Variants in DGCR8 observed in about 807,000 individuals in gnomAD.
DGCR8 encodes the protein microprocessor complex subunit DGCR8.
In DGCR8, 14 loss-of-function variants were observed where a neutral mutation model predicts 78.5. The ratio of observed to expected loss-of-function variants is 0.18; its 90% confidence interval spans 0.12 to 0.28. The LOEUF is 0.28. Ranked by LOEUF, DGCR8 falls within the 10% of genes least tolerant of loss-of-function variation. The pLI is 1.00. For synonymous variants in DGCR8, 399 were observed against 402.4 expected, an observed-to-expected ratio of 0.99 and a Z score of 0.10; for missense variants, 702 against 1,022.5, an observed-to-expected ratio of 0.69 and a Z score of 4.28.
In DGCR8 at chr22:20,095,423, T is replaced by C. The variant is rs76639574; in HGVS notation, c.1788+628T>C. 5.3e-3 allele frequency among the ~76,000 whole-genome samples: 802 copies of C among 152,272 alleles called. 12 individuals carry two copies. The South Asian group carries it at 0.056, about 11-fold the overall frequency. ...GCCCGGCCCTAGATTGTTCTTTATA[T>C]ACTTGACCCTTGAGTAACGTGGAAG... is the stretch of plus-strand genomic sequence containing the variant. On this transcript the variant is annotated intron_variant, in intron 9 of 13. Transcript: ENST00000351989.
At chr22:20,099,075 C>T (rs190505140) in intron 9 of DGCR8, among the ~76,000 whole-genome samples, 95 of 152,250 alleles carry the variant, frequency 6.2e-4, no homozygotes, top group Middle Eastern at 3.4e-3. Context: ...GTAAGTCTCC[C>T]GGCCTGTGAT....
At chr22:20,100,834 G>A in intron 9 of DGCR8, 1 of 985,124 alleles carries the variant, frequency 1.0e-6, no homozygotes, top group South Asian at 4.7e-5. Flanking sequence ...ACTGCAGCCT[G>A]TCTGGAGCTA....
chr22:20,080,908 G>T (rs1290137047), intron 1 of DGCR8, among the ~76,000 whole-genome samples: 1 of 152,242 alleles, frequency 6.6e-6, no homozygotes, highest in Non-Finnish European at 1.5e-5. Flanking sequence ...GATGGACTTG[G>T]GTTTCTTGTG....
intron 13 of DGCR8, 193 bp downstream of exon 13, chr22:20,109,196 G>A: frequency 2.1e-6 from 1 of 468,956 alleles, no homozygotes; most frequent in Admixed American, 3.3e-5. Flanking sequence ...TTCAGTTTTG[G>A]TTCTGTTGTT....
chr22:20,089,829 C>T lies in DGCR8; in HGVS notation c.1023+18C>T, dbSNP rs374682718. ...GCATACGGGTAGGGGAGGCATCAGT[C>T]GTGACTTTAGGCTTGTAAGTTCTCA... On this transcript the variant is annotated intron_variant, in intron 4 of 13. Transcript: ENST00000351989. The surrounding 1 kb of genome is among the most constrained non-coding windows in gnomAD (Gnocchi z 4.9). The T allele has an allele frequency of 4.3e-5, 69 of 1,613,218 alleles. No homozygotes were observed. The highest frequency in any genetic ancestry group is 2.7e-4 in the South Asian group (25 of 90,982).
chr22:20,106,976 C>T, intron 11 of DGCR8: 1 of 574,472 alleles, frequency 1.7e-6, no homozygotes, highest in Non-Finnish European at 3.1e-6. Context: ...CCAGCAGAAT[C>T]CTGCTGCTCC....
rs1191565956 is a variant in DGCR8 at position 20,086,420 on chromosome 22, A to T, written c.457A>T (p.Ser153Cys). The T allele has an allele frequency of 6.2e-7, 1 of 1,613,956 alleles. No individual in the cohort carries two copies. Among genetic ancestry groups the T allele is most frequent in the Non-Finnish European group, 8.5e-7 (1 of 1,180,010 alleles). Reference protein sequence around the residue: ...DVRAECGLLLSPVSGDVHACP... With the variant: ...DVRAECGLLLCPVSGDVHACP... The stretch of plus-strand genomic sequence containing the variant: ...GCGGGCGGAGTGCGGTCTGCTCCTT[A>T]GCCCTGTCAGTGGGGACGTGCATGC... Residue 153 changes from serine to cysteine, a missense_variant, in exon 2 of 14, where the codon AGC becomes TGC. Physicochemically the swap from Ser to Cys is moderately radical, Grantham distance 112 (BLOSUM62 -1). This residue lies in a region of DGCR8 where 356 missense variants were observed against 448.9 expected (regional missense o/e 0.79). Transcript: ENST00000351989. This position sits in a 1 kb window ranked among gnomAD's most constrained non-coding sequence, Gnocchi z 6.4.
Position 20,110,086 on chromosome 22 carries a change from C to T in DGCR8, c.2300C>T (p.Pro767Leu), listed in dbSNP as rs1369349168. Residue 767 changes from proline (P) to leucine (L), a missense_variant, in exon 14 of 14, where the codon CCC becomes CTC. Around this residue, in one of 4 missense-constraint regions of DGCR8, gnomAD observed 225 missense variants for 427.7 expected, o/e 0.53. Coordinates refer to ENST00000351989, the MANE Select transcript of DGCR8 (RefSeq NM_022720.7). ...IVASAQPGGE[P>L]LCTVDV is the part of the protein sequence containing the mutation. ...GCGTCCGCCCAGCCTGGCGGTGAGC[C>T]CCTGTGCACCGTGGACGTGTGAGGG... 2 of 1,611,496 alleles carry T rather than the reference C, an allele frequency of 1.2e-6. No homozygotes were observed. Among genetic ancestry groups the T allele is most frequent in the Non-Finnish European group, 1.7e-6 (2 of 1,179,994 alleles).
At position 20,087,525 on chromosome 22, in the gene DGCR8, G is replaced by T. The variant is rs11703058; in HGVS notation, c.880+204G>T. Among the ~76,000 whole-genome samples, 3 of 152,050 alleles carry T rather than the reference G, an allele frequency of 2.0e-5. No individual in the cohort carries two copies. Among genetic ancestry groups the T allele is most frequent in the Non-Finnish European group, 4.4e-5 (3 of 67,984 alleles). ...ATGACCCAGATGCGGATCCTGGTGT[G>T]TGCTATGGAAACCACAGAGCAGCAG... On this transcript the variant is annotated intron_variant, in intron 3 of 13. Coordinates refer to ENST00000351989, the MANE Select transcript of DGCR8 (RefSeq NM_022720.7). The surrounding 1 kb of genome is among the most constrained non-coding windows in gnomAD (Gnocchi z 4.1).
chr22:20,104,889 G>A (rs11705462), intron 9 of DGCR8, among the ~76,000 whole-genome samples: 61,738 of 152,046 alleles, frequency 0.41, 13,096 homozygotes, highest in East Asian at 0.67. Context: ...TAGGGCCAGT[G>A]TCCCTGTGGA....
In DGCR8 at chr22:20,087,085, C is replaced by T; in HGVS notation, c.721-77C>T. ...AGCACCTCCTTTCTGTGTCTGTTCT[C>T]AGGAATGCTGTTGAGCTCTCCTGTT... On this transcript the variant is annotated intron_variant, in intron 2 of 13. Transcript: ENST00000351989. The surrounding 1 kb of genome is among the most constrained non-coding windows in gnomAD (Gnocchi z 4.1). 3 of 1,528,600 alleles carry T rather than the reference C, an allele frequency of 2.0e-6. No individual in the cohort carries two copies. The highest frequency in any genetic ancestry group is 2.6e-6 in the Non-Finnish European group (3 of 1,132,180). The allele number at this position is 1,528,600 out of a possible 1,614,324, so 94.7% of individuals were successfully genotyped here. A position where few individuals can be genotyped will look rare whatever the true frequency, so the allele number is the denominator to read the frequency against.
At chr22:20,109,415 CTG>C (rs1421390576) in intron 13 of DGCR8, among the ~76,000 whole-genome samples, 1 of 152,204 alleles carries the variant, frequency 6.6e-6, no homozygotes, top group African/African-American at 2.4e-5. Flanking sequence ...GTGGTGTCTT[CTG>C]TCTTCAGGCA....
intron 1 of DGCR8, among the ~76,000 whole-genome samples, chr22:20,082,762 G>A (rs9606239): frequency 0.13 from 20,009 of 152,252 alleles, 1,711 homozygotes; most frequent in Non-Finnish European, 0.19. Flanking sequence ...ATCACTTCCT[G>A]GCTGTATGAC....
At chr22:20,104,413 CG>C (rs2049745707) in intron 9 of DGCR8, among the ~76,000 whole-genome samples, 1 of 151,848 alleles carries the variant, frequency 6.6e-6, no homozygotes, top group African/African-American at 2.4e-5. Flanking sequence ...GTGATCCACC[CG>C]CCTCGGCCTC....
chr22:20,088,246 G>A (rs2049512871), intron 3 of DGCR8, among the ~76,000 whole-genome samples: 1 of 152,208 alleles, frequency 6.6e-6, no homozygotes, highest in East Asian at 1.9e-4. Context: ...GTTGCAGGCA[G>A]GGTAAACCTG....
Position 20,107,403 on chromosome 22 carries a change from C to T in DGCR8, c.2124+5C>T. 3 of 1,614,022 alleles carry T rather than the reference C, an allele frequency of 1.9e-6. No individual in the cohort carries two copies. The highest frequency in any genetic ancestry group is 2.5e-6 in the Non-Finnish European group (3 of 1,179,988). On this transcript the variant is annotated splice_donor_5th_base_variant and intron_variant, in intron 12 of 13. Coordinates refer to ENST00000351989, the MANE Select transcript of DGCR8 (RefSeq NM_022720.7). Reference sequence around the variant, plus strand: ...AGCAGCAAGATGGTCAAGCAGGTAACTGGCCATCAGCAGGTCCCAGGGCAG... The same window carrying T: ...AGCAGCAAGATGGTCAAGCAGGTAATTGGCCATCAGCAGGTCCCAGGGCAG...
At chr22:20,107,084 C>T (rs2049779736) in intron 11 of DGCR8, 187 bp from the exon 12 acceptor site, 3 of 642,874 alleles carry the variant, frequency 4.7e-6, no homozygotes, top group African/African-American at 1.8e-5. Flanking sequence ...GGGCCACTCT[C>T]TCAAGGTGGC....
chr22:20,100,792 C>T, intron 9 of DGCR8: 1 of 985,358 alleles, frequency 1.0e-6, no homozygotes, highest in Middle Eastern at 5.2e-4. Context: ...CTGCCTGGGG[C>T]TTTTTCCACA....
At chr22:20,080,611 C>T (rs1316311531) in intron 1 of DGCR8, 4 of 459,398 alleles carry the variant, frequency 8.7e-6, no homozygotes, top group East Asian at 1.5e-4. Context: ...TGCCGACTCT[C>T]GTCGCTGTCC....
Sources: allele counts gnomAD v4.1 joint callset (sites outside exome capture counted in the v4.1 genomes callset), GRCh38; gene constraint gnomAD v4.1.1; regional missense constraint gnomAD v4.1.1; non-coding constraint Gnocchi (gnomAD v3.1); transcripts MANE v1.5; gene names NCBI Gene and HGNC (gene_info 2026-07-23, HGNC 2026-07-21).